The following LGR5 variants were observed in gnomAD, a reference collection of about 807,000 sequenced individuals.
LGR5 encodes leucine-rich repeat-containing G protein-coupled receptor 5.
A neutral mutation model predicts 76.7 loss-of-function variants in LGR5; 54 were observed. That is an observed-to-expected ratio of 0.70 (90% CI 0.57 to 0.88). The LOEUF (loss-of-function observed/expected upper bound fraction) is 0.88, where lower values mean the gene tolerates loss of function less well. Among genes scored for constraint, LGR5 ranks in the 40% least tolerant of loss-of-function variants. The pLI, the probability that LGR5 is intolerant of heterozygous loss-of-function variation, is 0.00. For missense variants in LGR5, 1,078 were observed against 1,073.3 expected (o/e 1.00, Z -0.06); for synonymous variants, 406 against 421.9 (o/e 0.96, Z 0.46).
rs542808749 is a variant in LGR5, at chr12:71,500,180, A to G, written c.213-4434A>G. Reference sequence around the variant, plus strand: ...AAATGAAAAAAAAAATAGAGCTTCAAGTAACAAAAACATTTTTAAGGGAAA... The same window carrying G: ...AAATGAAAAAAAAAATAGAGCTTCAGGTAACAAAAACATTTTTAAGGGAAA... On this transcript the variant is annotated intron_variant, in intron 1 of 17. Transcript: ENST00000266674. Among the ~76,000 whole-genome samples the G allele has an allele frequency of 2.6e-5, 4 of 152,284 alleles. No individual in the cohort carries two copies. In the South Asian group the frequency reaches 8.3e-4, roughly 32 times the overall value.
intron 2 of LGR5, among the ~76,000 whole-genome samples, chr12:71,511,303 G>C (rs1432790265): frequency 6.6e-6 from 1 of 152,126 alleles, no homozygotes; most frequent in Non-Finnish European, 1.5e-5. Context: ...GCACCACCTT[G>C]TTATTTATTC....
At chr12:71,483,387 C>G (rs1488247619) in intron 1 of LGR5, among the ~76,000 whole-genome samples, 1 of 152,014 alleles carries the variant, frequency 6.6e-6, no homozygotes, top group Non-Finnish European at 1.5e-5. Context: ...GGAGTCACTC[C>G]AAAGGGACTG....
chr12:71,456,960 A>T (rs1872507914), intron 1 of LGR5, among the ~76,000 whole-genome samples: 1 of 152,108 alleles, frequency 6.6e-6, no homozygotes, highest in Non-Finnish European at 1.5e-5. Flanking sequence ...ATTTGTTCAG[A>T]TGGAAACTGA....
At chr12:71,465,678 A>G (rs1872835942) in intron 1 of LGR5, among the ~76,000 whole-genome samples, 1 of 152,134 alleles carries the variant, frequency 6.6e-6, no homozygotes, top group Admixed American at 6.5e-5. Flanking sequence ...CATCAGGTAA[A>G]CGCCTGCTAT....
intron 3 of LGR5, among the ~76,000 whole-genome samples, chr12:71,528,355 G>A (rs1413906737): frequency 1.3e-5 from 2 of 152,152 alleles, no homozygotes; most frequent in East Asian, 3.9e-4. Flanking sequence ...CTACTCAGGA[G>A]GCTGAGGTGG....
chr12:71,452,513 A>G (rs1237773972), intron 1 of LGR5, among the ~76,000 whole-genome samples: 1 of 152,206 alleles, frequency 6.6e-6, no homozygotes, highest in East Asian at 1.9e-4. Context: ...ACTACTTGAT[A>G]TAATTTCTGA....
intron 17 of LGR5, chr12:71,583,416 C>A: frequency 3.9e-6 from 2 of 513,158 alleles, no homozygotes; most frequent in Admixed American, 3.5e-5. Context: ...TCTCATTTCT[C>A]CATCAATACC....
chr12:71,485,308 AT>A (rs1258253234), intron 1 of LGR5, among the ~76,000 whole-genome samples: 1 of 152,238 alleles, frequency 6.6e-6, no homozygotes, highest in Admixed American at 6.5e-5. Context: ...TAAAGAGTTC[AT>A]TTGTGTAAGA....
At chr12:71,504,749 C>G in intron 2 of LGR5, 64 bp downstream of exon 2, 2 of 1,288,436 alleles carry the variant, frequency 1.6e-6, no homozygotes, top group South Asian at 2.4e-5. Flanking sequence ...GTTTGTCTCT[C>G]ATACTTACTG....
chr12:71,557,199 C>G (rs890217695), intron 6 of LGR5, among the ~76,000 whole-genome samples: 1 of 152,172 alleles, frequency 6.6e-6, no homozygotes. Context: ...GCGGGAGGAT[C>G]GCTTGAGCCC....
chr12:71,471,070 G>A (rs1487599776), intron 1 of LGR5, among the ~76,000 whole-genome samples: 1 of 152,182 alleles, frequency 6.6e-6, no homozygotes, highest in Non-Finnish European at 1.5e-5. Flanking sequence ...CTGGTGTACA[G>A]TATTTGTTCA....
At chr12:71,519,933 C>T (rs1166060536) in intron 2 of LGR5, among the ~76,000 whole-genome samples, 1 of 151,894 alleles carries the variant, frequency 6.6e-6, no homozygotes, top group East Asian at 1.9e-4. Context: ...AAAATAGCTT[C>T]AGATGTGGAG....
intron 5 of LGR5, 105 bp downstream of exon 5, chr12:71,553,393 G>A (rs1148985): frequency 0.61 from 562,839 of 915,538 alleles, 184,844 homozygotes; most frequent in Non-Finnish European, 0.7. Flanking sequence ...ACATTTTAAG[G>A]GAGGAAAACC....
chr12:71,540,175 T>C (rs1000987597), intron 4 of LGR5, among the ~76,000 whole-genome samples: 11 of 152,174 alleles, frequency 7.2e-5, no homozygotes, highest in African/African-American at 2.7e-4. Flanking sequence ...AATTGCTTCA[T>C]TTGTGATTGT....
rs549087207 is a variant in LGR5 at position 71,514,382 on chromosome 12, C to G, written c.284+9697C>G. The stretch of plus-strand genomic sequence containing the variant: ...AGGAGATCGAGACCATCCTGGCTAA[C>G]ACAGTGAAACCCCGTATCTACTAAA... On this transcript the variant is annotated intron_variant, in intron 2 of 17. Transcript: ENST00000266674. 1.2e-4 allele frequency among the ~76,000 whole-genome samples: 18 copies of G among 152,134 alleles called. No homozygotes were observed. In the South Asian group the frequency reaches 1.7e-3, roughly 14 times the overall value.
intron 1 of LGR5, among the ~76,000 whole-genome samples, chr12:71,494,944 T>C (rs932993979): frequency 6.6e-6 from 1 of 151,040 alleles, no homozygotes; most frequent in Non-Finnish European, 1.5e-5. Context: ...ATTGTGGAGC[T>C]TGAAATCTGA....
intron 1 of LGR5, among the ~76,000 whole-genome samples, chr12:71,479,536 C>T (rs528945904): frequency 6.6e-6 from 1 of 151,944 alleles, no homozygotes; most frequent in African/African-American, 2.4e-5. Flanking sequence ...ACAAACTTTT[C>T]TAAGTGAAAA....
chr12:71,584,555 T>C lies in LGR5; in HGVS notation c.2545T>C (p.Leu849=), dbSNP rs776764851. The part of the protein sequence containing the change: ...YVWTRSKHPS[L]MSINSDDVEK... Reference sequence around the variant, plus strand: ...CTGGACAAGATCAAAACACCCAAGCTTGATGTCAATTAACTCTGATGATGT... The same window carrying C: ...CTGGACAAGATCAAAACACCCAAGCCTGATGTCAATTAACTCTGATGATGT... Residue 849 remains leucine, a synonymous_variant, in exon 18 of 18, where the codon TTG becomes CTG. Coordinates refer to ENST00000266674, the MANE Select transcript of LGR5 (RefSeq NM_003667.4). 1 of 1,614,126 alleles carries C rather than the reference T, an allele frequency of 6.2e-7. No individual in the cohort carries two copies. The highest frequency in any genetic ancestry group is 8.5e-7 in the Non-Finnish European group (1 of 1,180,034).
At position 71,585,981 on chromosome 12, in the gene LGR5, A is replaced by T. The variant is rs938876685; in HGVS notation, c.*1247A>T. Reference sequence around the variant, plus strand: ...TCCAAACCAAATGGCTGTTAGGTAGATTTATTTTTATATAAGCATGTTTAT... The same window carrying T: ...TCCAAACCAAATGGCTGTTAGGTAGTTTTATTTTTATATAAGCATGTTTAT... On this transcript the variant is annotated 3_prime_UTR_variant, in exon 18 of 18. Coordinates refer to ENST00000266674, the MANE Select transcript of LGR5 (RefSeq NM_003667.4). 3.3e-5 allele frequency: 5 copies of T among 152,222 alleles called. No individual in the cohort carries two copies. Among genetic ancestry groups the T allele is most frequent in the African/African-American group, 9.6e-5 (4 of 41,472 alleles). The allele number at this position is 152,222 out of a possible 1,614,324, so 9.4% of individuals were successfully genotyped here.
Sources: allele counts gnomAD v4.1 joint callset (sites outside exome capture counted in the v4.1 genomes callset), GRCh38; gene constraint gnomAD v4.1.1; transcripts MANE v1.5; gene names NCBI Gene and HGNC (gene_info 2026-07-23, HGNC 2026-07-21).